The following PRIM2 variants were observed in gnomAD, a reference collection of about 807,000 sequenced individuals.
The protein encoded by PRIM2 is DNA primase large subunit.
In PRIM2, 39 loss-of-function variants were observed where a neutral mutation model predicts 67.3. That is an observed-to-expected ratio of 0.58 (90% confidence interval 0.45 to 0.76). PRIM2 has a LOEUF of 0.76. PRIM2 is among the 30% of genes least tolerant of loss of function. The pLI, the probability that PRIM2 is intolerant of heterozygous loss-of-function variation, is 0.00. For synonymous variants in PRIM2, 143 were observed against 198.7 expected, an observed-to-expected ratio of 0.72 and a Z score of 2.36; for missense variants, 398 against 598.7, an observed-to-expected ratio of 0.66 and a Z score of 3.50.
chr6:57,420,511 A>G (rs1377349284), intron 7 of PRIM2, among the ~76,000 whole-genome samples: 1 of 152,206 alleles, frequency 6.6e-6, no homozygotes, highest in Non-Finnish European at 1.5e-5. Context: ...TCAAAAAAAA[A>G]GAATAATATT....
intron 10 of PRIM2, among the ~76,000 whole-genome samples, chr6:57,593,546 A>C (rs1302059801): frequency 6.6e-6 from 1 of 152,080 alleles, no homozygotes; most frequent in Non-Finnish European, 1.5e-5. Flanking sequence ...CAAGTGATCC[A>C]TCCGCCTCGG....
intron 13 of PRIM2, among the ~76,000 whole-genome samples, chr6:57,642,308 A>C (rs1253674318): frequency 2.6e-5 from 4 of 152,022 alleles, no homozygotes; most frequent in African/African-American, 9.7e-5. Flanking sequence ...GCAAACCACC[A>C]TGGCATGTGT....
At chr6:57,307,961 A>C in the PRIM2 span, among the ~76,000 whole-genome samples, 2 of 152,228 alleles carry the variant, frequency 1.3e-5, no homozygotes, top group African/African-American at 4.8e-5. Context: ...GAAAATATCC[A>C]GCATATACAG....
intron 10 of PRIM2, among the ~76,000 whole-genome samples, chr6:57,551,199 A>G (rs1198433731): frequency 6.6e-6 from 1 of 152,146 alleles, no homozygotes; most frequent in African/African-American, 2.4e-5. Flanking sequence ...ATAAGTTTAA[A>G]CTGTTGTGGG....
At chr6:57,535,748 C>T in intron 9 of PRIM2, among the ~76,000 whole-genome samples, 1 of 151,946 alleles carries the variant, frequency 6.6e-6, no homozygotes, top group Middle Eastern at 3.4e-3. Flanking sequence ...ACCTGTAATC[C>T]CTGCTACTCA....
intron 5 of PRIM2, among the ~76,000 whole-genome samples, chr6:57,340,998 T>C (rs1581807703): frequency 6.6e-6 from 1 of 152,232 alleles, no homozygotes; most frequent in Non-Finnish European, 1.5e-5. Flanking sequence ...TATTTATTTA[T>C]AAATTTATAT....
intron 7 of PRIM2, among the ~76,000 whole-genome samples, chr6:57,477,301 T>A (rs2127404302): frequency 6.6e-6 from 1 of 152,368 alleles, no homozygotes; most frequent in East Asian, 1.9e-4. Context: ...TGGCCTAGTT[T>A]TATGAAATTG....
chr6:57,576,703 T>C (rs1399170826), intron 10 of PRIM2, among the ~76,000 whole-genome samples: 2 of 150,938 alleles, frequency 1.3e-5, no homozygotes, highest in Non-Finnish European at 2.9e-5. Flanking sequence ...TTCTCAGATA[T>C]TTCTATAGGG....
chr6:57,255,115 T>G, the PRIM2 span, among the ~76,000 whole-genome samples: 16 of 152,266 alleles, frequency 1.1e-4, no homozygotes, highest in Non-Finnish European at 1.6e-4. Flanking sequence ...TTTGGTCACC[T>G]CAATTCCTTT....
At chr6:57,300,093 G>C in the PRIM2 span, among the ~76,000 whole-genome samples, 1 of 152,158 alleles carries the variant, frequency 6.6e-6, no homozygotes, top group South Asian at 2.1e-4. Context: ...TTTACTGAAG[G>C]CTAAGGGTAA....
the PRIM2 span, among the ~76,000 whole-genome samples, chr6:57,295,632 A>C: frequency 6.6e-6 from 1 of 152,236 alleles, no homozygotes; most frequent in African/African-American, 2.4e-5. Context: ...GATAGAAAAT[A>C]CAAATTTCCC....
At chr6:57,600,336 G>GATTATTATT (rs1190863948) in intron 10 of PRIM2, among the ~76,000 whole-genome samples, 62 of 146,472 alleles carry the variant, frequency 4.2e-4, no homozygotes, top group East Asian at 6.0e-4. Context: ...CAGAGGAAGG[G>GATTATTATT]ATTATTATTA....
intron 7 of PRIM2, among the ~76,000 whole-genome samples, chr6:57,387,883 GAGAC>G (rs541140066): frequency 3.4e-4 from 52 of 151,270 alleles, no homozygotes; most frequent in Non-Finnish European, 6.5e-4. Flanking sequence ...ATTCTAGTGG[GAGAC>G]AGACAATTAC....
chr6:57,274,013 C>T, the PRIM2 span, among the ~76,000 whole-genome samples: 2 of 152,168 alleles, frequency 1.3e-5, no homozygotes, highest in Admixed American at 6.5e-5. Context: ...AGTACCCGGC[C>T]GTGTAAGGTG....
intron 10 of PRIM2, chr6:57,587,014 T>A (rs1430890755): frequency 3.3e-5 from 5 of 152,160 alleles, no homozygotes; most frequent in Admixed American, 1.3e-4. Flanking sequence ...AAATGATGAA[T>A]AGTAGAAGCT....
intron 12 of PRIM2, among the ~76,000 whole-genome samples, chr6:57,616,880 T>C (rs1776766004): frequency 6.6e-6 from 1 of 152,252 alleles, no homozygotes. Flanking sequence ...TTTCATAAAA[T>C]AGCATCATAT....
chr6:57,521,496 A>G (rs1432470344), intron 8 of PRIM2, among the ~76,000 whole-genome samples: 3 of 145,654 alleles, frequency 2.1e-5, no homozygotes, highest in African/African-American at 7.6e-5. Flanking sequence ...CATTTGTGCT[A>G]TTATTACACC....
intron 7 of PRIM2, among the ~76,000 whole-genome samples, chr6:57,481,116 C>G (rs2127405682): frequency 6.6e-6 from 1 of 152,106 alleles, no homozygotes; most frequent in East Asian, 1.9e-4. Context: ...ATATCAAAAC[C>G]AAGAAGTTTA....
At chr6:57,278,029 A>C in the PRIM2 span, among the ~76,000 whole-genome samples, 8 of 150,904 alleles carry the variant, frequency 5.3e-5, no homozygotes, top group East Asian at 1.4e-3. Context: ...CAAAACAAAA[A>C]AAGATTCTGT....
Sources: allele counts gnomAD v4.1 joint callset (sites outside exome capture counted in the v4.1 genomes callset), GRCh38; gene constraint gnomAD v4.1.1; transcripts MANE v1.5; gene names NCBI Gene and HGNC (gene_info 2026-07-23, HGNC 2026-07-21).